Variants in PMM2 observed in about 807,000 individuals in gnomAD.
PMM2 encodes the protein mannose-6-phosphate isomerase.
Under a neutral mutation model 33.2 loss-of-function variants are expected in PMM2, and 35 were observed. That is an observed-to-expected ratio of 1.06 (90% confidence interval 0.81 to 1.40). The LOEUF (loss-of-function observed/expected upper bound fraction) is 1.40. Ranked by LOEUF, PMM2 falls within the 40% of genes most tolerant of loss-of-function variation. The probability of loss-of-function intolerance (pLI) is 0.00; values close to 1 mark genes in which losing one functional copy is unlikely to be tolerated. For missense variants in PMM2, 386 were observed against 306.0 expected (o/e 1.26, Z -1.95); for synonymous variants, 153 against 114.7 (o/e 1.33, Z -2.13).
intron 4 of PMM2, chr16:8,809,614 C>A (rs561902696): frequency 6.6e-6 from 1 of 151,622 alleles, no homozygotes; most frequent in Non-Finnish European, 1.5e-5. Flanking sequence ...TACCATGTCC[C>A]GCTAATTTTT....
At chr16:8,823,630 A>G (rs866020951) in intron 7 of PMM2, among the ~76,000 whole-genome samples, 1 of 141,340 alleles carries the variant, frequency 7.1e-6, no homozygotes, top group Non-Finnish European at 1.6e-5. Context: ...ACTTTGTTCC[A>G]TAAGAAATCT....
chr16:8,807,427 G>A (rs1354576367), intron 4 of PMM2: 1 of 152,150 alleles, frequency 6.6e-6, no homozygotes, highest in African/African-American at 2.4e-5. Flanking sequence ...CTGACTCATG[G>A]ACATTTGTTC....
At position 8,834,362 on chromosome 16, in the gene PMM2, T is replaced by C. The variant is rs527884669; in HGVS notation, c.640-13362T>C. Among the ~76,000 whole-genome samples the C allele has an allele frequency of 3.9e-5, 6 of 152,148 alleles. No homozygotes were observed. The South Asian group carries it at 1.2e-3, about 32-fold the overall frequency. On this transcript the variant is annotated intron_variant, in intron 7 of 7. Transcript: ENST00000268261. ...TTGACTAGTAAAGGCTGGTCCGTTA[T>C]CAGACTGTATAGAGGTGGGAAGGCT...
chr16:8,805,888 G>A (rs1043825912), intron 3 of PMM2, among the ~76,000 whole-genome samples: 2 of 152,124 alleles, frequency 1.3e-5, no homozygotes, highest in African/African-American at 4.8e-5. Flanking sequence ...CCACGCCTGG[G>A]CACTATAAGC....
rs1406674225 is a variant in PMM2 at position 8,848,919 on chromosome 16, G to A, written c.*1094G>A. 6.6e-6 allele frequency: 1 copy of A among 152,260 alleles called. No homozygotes were observed. Among genetic ancestry groups the A allele is most frequent in the African/African-American group, 2.4e-5 (1 of 41,470 alleles). 9.4% of individuals were successfully genotyped at this position (152,260 alleles called of 1,614,324 possible). ...GAAACTGGAAGGATCCCGGGTCTCA[G>A]CTAGAACACGGTGGAAGAGAACTTT... On this transcript the variant is annotated 3_prime_UTR_variant, in exon 8 of 8. Coordinates refer to ENST00000268261, the MANE Select transcript of PMM2 (RefSeq NM_000303.3).
At chr16:8,832,841 T>G in intron 7 of PMM2, 1 of 985,418 alleles carries the variant, frequency 1.0e-6, no homozygotes, top group South Asian at 4.7e-5. Context: ...TCTTCTCTGA[T>G]GGCCACATGG....
chr16:8,843,923 C>T (rs1040357196), intron 7 of PMM2, among the ~76,000 whole-genome samples: 61 of 151,828 alleles, frequency 4.0e-4, no homozygotes, highest in African/African-American at 1.3e-3. Context: ...GACTCAGCAA[C>T]GCTTGGGGTT....
chr16:8,823,525 C>T lies in PMM2; in HGVS notation c.639+10419C>T, dbSNP rs2060749868. ...GGACAAGTTTACTTGCAAAATAAGTCATAGTCTTATTAAGCTTGGCCTGAT... is the reference window on the plus strand; with the variant it reads ...GGACAAGTTTACTTGCAAAATAAGTTATAGTCTTATTAAGCTTGGCCTGAT... On this transcript the variant is annotated intron_variant, in intron 7 of 7. Coordinates refer to ENST00000268261, the MANE Select transcript of PMM2 (RefSeq NM_000303.3). Among the ~76,000 whole-genome samples the T allele has an allele frequency of 3.3e-5, 5 of 152,058 alleles. No individual in the cohort carries two copies. In the South Asian group the frequency reaches 1.0e-3, roughly 32 times the overall value.
intron 1 of PMM2, among the ~76,000 whole-genome samples, chr16:8,799,697 AC>A (rs1412992585): frequency 1.3e-5 from 2 of 152,092 alleles, no homozygotes; most frequent in African/African-American, 4.8e-5. Flanking sequence ...ACAGGCAGGC[AC>A]CACCACGCCT....
intron 7 of PMM2, chr16:8,832,548 CAG>C (rs1398998659): frequency 6.1e-6 from 6 of 985,326 alleles, no homozygotes; most frequent in South Asian, 9.4e-5. Context: ...TAGCAACTGT[CAG>C]GGGACTAGCA....
intron 7 of PMM2, among the ~76,000 whole-genome samples, chr16:8,833,774 A>G (rs948732781): frequency 2.0e-5 from 3 of 152,140 alleles, no homozygotes; most frequent in African/African-American, 7.2e-5. Flanking sequence ...AAAAACAGGT[A>G]TAAAAGGTCT....
rs1392777674 is a variant in PMM2, at chr16:8,801,802, A to G, written c.70A>G (p.Ile24Val). 1.2e-6 allele frequency: 2 copies of G among 1,600,830 alleles called. No individual in the cohort carries two copies. The highest frequency in any genetic ancestry group is 1.7e-5 in the Admixed American group (1 of 59,922). Residue 24 changes from isoleucine (I) to valine (V), a missense_variant, in exon 2 of 8, where the codon ATT (isoleucine) becomes GTT (valine). By Grantham distance (29) the Ile-to-Val change is conservative. Transcript: ENST00000268261. ...TATTTTCTTTCTTGAAATTTAGAAAATTACCAAAGAAATGGATGACTTCCT... is the reference window on the plus strand; with the variant it reads ...TATTTTCTTTCTTGAAATTTAGAAAGTTACCAAAGAAATGGATGACTTCCT... ...DGTLTAPRQK[I>V]TKEMDDFLQK...
intron 7 of PMM2, among the ~76,000 whole-genome samples, chr16:8,827,837 GTATAATA>G (rs796487926): frequency 0.17 from 16,226 of 92,766 alleles, 1,416 homozygotes; most frequent in East Asian, 0.29. Context: ...TATATATATT[GTATAATA>G]TATAATATAT....
chr16:8,840,591 A>C (rs186082763), intron 7 of PMM2, among the ~76,000 whole-genome samples: 11 of 152,030 alleles, frequency 7.2e-5, no homozygotes, highest in Non-Finnish European at 1.6e-4. Flanking sequence ...TATTAGGCTC[A>C]TAAGGGTTAT....
chr16:8,844,716 C>T (rs916792298), intron 7 of PMM2, among the ~76,000 whole-genome samples: 1 of 152,124 alleles, frequency 6.6e-6, no homozygotes, highest in African/African-American at 2.4e-5. Flanking sequence ...TGACCGGCGC[C>T]GGTTTTTTGG....
chr16:8,843,335 C>T (rs370201385), intron 7 of PMM2, among the ~76,000 whole-genome samples: 5 of 152,108 alleles, frequency 3.3e-5, no homozygotes, highest in South Asian at 2.1e-4. Context: ...GCTTCCAAGG[C>T]GATTGGGCAG....
chr16:8,830,713 A>G (rs1265474519), intron 7 of PMM2, among the ~76,000 whole-genome samples: 2 of 152,248 alleles, frequency 1.3e-5, no homozygotes, highest in Non-Finnish European at 2.9e-5. Context: ...AGACTCTTGC[A>G]GCCAGAGGCT....
intron 2 of PMM2, among the ~76,000 whole-genome samples, chr16:8,804,039 T>TTTCTTG (rs2060632467): frequency 7.5e-6 from 1 of 132,802 alleles, no homozygotes; most frequent in African/African-American, 3.0e-5. Flanking sequence ...TTGTTTTTTT[T>TTTCTTG]TTTTTTTTTT....
chr16:8,835,923 G>C (rs2060842784), intron 7 of PMM2, among the ~76,000 whole-genome samples: 1 of 151,934 alleles, frequency 6.6e-6, no homozygotes, highest in East Asian at 1.9e-4. Flanking sequence ...TGGGAAGAAG[G>C]GCGGCAATGA....
Sources: gnomAD v4.1 joint callset for allele counts (sites outside exome capture counted in the v4.1 genomes callset) on GRCh38, gnomAD v4.1.1 for gene constraint, MANE v1.5 for transcripts, NCBI Gene and HGNC (gene_info 2026-07-23, HGNC 2026-07-21) for gene names.